Variants in UBTD2 observed in about 807,000 individuals in gnomAD.
The protein encoded by UBTD2 is ubiquitin domain containing 2.
In UBTD2, 9 loss-of-function variants were observed where a neutral mutation model predicts 19.8. That is an observed-to-expected ratio of 0.46 (90% CI 0.27 to 0.79). The LOEUF (loss-of-function observed/expected upper bound fraction) is 0.79, where lower values mean the gene tolerates loss of function less well. UBTD2 is among the 30% of genes least tolerant of loss of function. The pLI, the probability that UBTD2 is intolerant of heterozygous loss-of-function variation, is 0.14. For missense variants in UBTD2, 250 were observed against 300.4 expected, an observed-to-expected ratio of 0.83 and a Z score of 1.24; for synonymous variants, 98 against 103.9, an observed-to-expected ratio of 0.94 and a Z score of 0.35.
rs1755765918 is a variant in UBTD2, at chr5:172,283,467, G to A, written c.70+129C>T. The A allele has an allele frequency of 4.4e-6, 3 of 681,686 alleles. No homozygotes were observed. Among genetic ancestry groups the A allele is most frequent in the Non-Finnish European group, 4.0e-6 (2 of 494,440 alleles). 42.2% of individuals were successfully genotyped at this position (681,686 alleles called of 1,614,324 possible). A position where few individuals can be genotyped will look rare whatever the true frequency, so the allele number is the denominator to read the frequency against. On this transcript the variant is annotated intron_variant, in intron 1 of 2. Coordinates refer to ENST00000393792, the MANE Select transcript of UBTD2 (RefSeq NM_152277.3). This position sits in a 1 kb window ranked among gnomAD's most constrained non-coding sequence, Gnocchi z 4.3. ...GCAGGACAGCCGGAAGCGGAGCGCG[G>A]GGAATGACGTGGAAGAGGGGATGAC...
chr5:172,240,635 C>CT lies in UBTD2; in HGVS notation c.71-6278dup, dbSNP rs888206476. 7.9e-5 allele frequency among the ~76,000 whole-genome samples: 12 copies of CT among 151,154 alleles called. No homozygotes were observed. In the South Asian group the frequency reaches 8.4e-4, roughly 11 times the overall value. On this transcript the variant is annotated intron_variant, in intron 1 of 2. Transcript: ENST00000393792. ...GTATGTTCAAAGACTTTTCCCCCCA[C>CT]TTTTTTTTTAACTATAGCTCTCAGA...
At chr5:172,254,513 A>C in intron 1 of UBTD2, 1 of 569,426 alleles carries the variant, frequency 1.8e-6, no homozygotes, top group South Asian at 2.1e-5. Flanking sequence ...CAGACCGAGC[A>C]AACGTCCATG....
chr5:172,211,924 T>A lies in UBTD2; in HGVS notation c.611A>T (p.Lys204Ile), dbSNP rs777006247. 1.2e-6 allele frequency: 2 copies of A among 1,614,222 alleles called. No individual in the cohort carries two copies. Among genetic ancestry groups the A allele is most frequent in the Admixed American group, 1.7e-5 (1 of 60,028 alleles). The change falls in exon 3 of 3, where the codon AAA (lysine) becomes ATA (isoleucine). Residue 204 changes from lysine (K) to isoleucine (I), a missense_variant. By Grantham distance (102) the Lys-to-Ile change is moderately radical (BLOSUM62 -3). Coordinates refer to ENST00000393792, the MANE Select transcript of UBTD2 (RefSeq NM_152277.3). ...WFFSGRPLTD[K>I]MKFEELKIPK... ...GATCTTCAGCTCTTCGAACTTCATT[T>A]TGTCAGTGAGAGGTCTGCCAGAAAA... is the stretch of plus-strand genomic sequence containing the variant.
intron 2 of UBTD2, among the ~76,000 whole-genome samples, chr5:172,225,237 C>A (rs1771742315): frequency 6.6e-6 from 1 of 152,174 alleles, no homozygotes; most frequent in Non-Finnish European, 1.5e-5. Context: ...CAAGTCTCCA[C>A]CTTCTGTTCT....
intron 1 of UBTD2, among the ~76,000 whole-genome samples, chr5:172,244,114 T>C (rs11134739): frequency 0.3 from 45,583 of 151,800 alleles, 6,974 homozygotes; most frequent in South Asian, 0.42. Flanking sequence ...TTCAAGCTGA[T>C]TGGGGGCATT....
intron 2 of UBTD2, among the ~76,000 whole-genome samples, chr5:172,229,510 A>T (rs1026442958): frequency 6.0e-5 from 9 of 150,526 alleles, no homozygotes; most frequent in African/African-American, 2.2e-4. Context: ...CAAAAAAAAA[A>T]AAAAAAAAAA....
intron 1 of UBTD2, among the ~76,000 whole-genome samples, chr5:172,238,993 A>G (rs1021666478): frequency 1.4e-4 from 22 of 152,184 alleles, no homozygotes; most frequent in African/African-American, 5.3e-4. Flanking sequence ...GACACTTGCA[A>G]ATATTTTCAC....
chr5:172,279,224 G>A (rs1246682429), intron 1 of UBTD2, among the ~76,000 whole-genome samples: 3 of 152,264 alleles, frequency 2.0e-5, no homozygotes, highest in South Asian at 2.1e-4. Context: ...AAGTAATTGC[G>A]GTTTTTGCAA....
Position 172,270,350 on chromosome 5 carries a change from ATTTTTT to A in UBTD2, c.70+13240_70+13245del, listed in dbSNP as rs758440849. On this transcript the variant is annotated intron_variant, in intron 1 of 2. Transcript: ENST00000393792. ...AACTAGAAGTATTTAGAATTTTAGA[ATTTTTT>A]TTTTTTTTTTTTTTTTTTGAGGTGG... 2.5e-3 allele frequency among the ~76,000 whole-genome samples: 246 copies of A among 98,762 alleles called. 1 individual carries two copies. The highest frequency in any genetic ancestry group is 9.5e-3 in the African/African-American group (222 of 23,260). The allele number at this position is 98,762 out of a possible 152,430, so 64.8% of individuals were successfully genotyped here.
intron 2 of UBTD2, 93 bp from the exon 3 acceptor site, chr5:172,212,320 A>G: frequency 2.2e-6 from 3 of 1,371,418 alleles, no homozygotes. Flanking sequence ...TCTTGCTAGC[A>G]TGGCACTGTA....
At chr5:172,244,900 C>T (rs998631413) in intron 1 of UBTD2, among the ~76,000 whole-genome samples, 13 of 151,658 alleles carry the variant, frequency 8.6e-5, no homozygotes, top group Non-Finnish European at 1.8e-4. Flanking sequence ...GGCTAATTTT[C>T]GTATTTTTAG....
At chr5:172,259,466 T>C (rs560877043) in intron 1 of UBTD2, among the ~76,000 whole-genome samples, 1 of 152,090 alleles carries the variant, frequency 6.6e-6, no homozygotes, top group East Asian at 1.9e-4. Context: ...AAAATGACTA[T>C]AATTATAGTA....
intron 2 of UBTD2, among the ~76,000 whole-genome samples, chr5:172,230,676 A>G (rs1771871028): frequency 6.6e-6 from 1 of 152,248 alleles, no homozygotes; most frequent in Non-Finnish European, 1.5e-5. Context: ...GCTGAACTAA[A>G]TAATAGTCAA....
At chr5:172,248,695 G>A (rs1298551778) in intron 1 of UBTD2, among the ~76,000 whole-genome samples, 1 of 151,798 alleles carries the variant, frequency 6.6e-6, no homozygotes, top group Non-Finnish European at 1.5e-5. Flanking sequence ...CTGGGAGGTA[G>A]AGGCTGCAGT....
chr5:172,261,482 G>A (rs1340722396), intron 1 of UBTD2, among the ~76,000 whole-genome samples: 3 of 152,146 alleles, frequency 2.0e-5, no homozygotes, highest in South Asian at 2.1e-4. Flanking sequence ...GAAAACATTC[G>A]GTCTGGGATA....
intron 1 of UBTD2, among the ~76,000 whole-genome samples, chr5:172,242,930 G>T (rs552586271): frequency 1.3e-5 from 2 of 152,030 alleles, no homozygotes; most frequent in Non-Finnish European, 2.9e-5. Flanking sequence ...CTTTTATTTA[G>T]TCAATATATT....
chr5:172,229,981 C>T (rs1054684287), intron 2 of UBTD2, among the ~76,000 whole-genome samples: 10 of 151,996 alleles, frequency 6.6e-5, no homozygotes, highest in Non-Finnish European at 4.4e-5. Flanking sequence ...ATAAGCTCTT[C>T]AAGAAATGTA....
At chr5:172,268,150 T>C (rs935358394) in intron 1 of UBTD2, among the ~76,000 whole-genome samples, 1 of 152,028 alleles carries the variant, frequency 6.6e-6, no homozygotes, top group Non-Finnish European at 1.5e-5. Flanking sequence ...AAGTAATGTA[T>C]AAAAATAGCC....
At chr5:172,230,393 A>C (rs1038238418) in intron 2 of UBTD2, among the ~76,000 whole-genome samples, 3 of 152,222 alleles carry the variant, frequency 2.0e-5, no homozygotes, top group Admixed American at 1.3e-4. Flanking sequence ...TGCAGGGAAC[A>C]GGGAATTTAC....
Sources: gnomAD v4.1 joint callset for allele counts (sites outside exome capture counted in the v4.1 genomes callset) on GRCh38, gnomAD v4.1.1 for gene constraint, Gnocchi (gnomAD v3.1) non-coding constraint, MANE v1.5 for transcripts, NCBI Gene and HGNC (gene_info 2026-07-23, HGNC 2026-07-21) for gene names.